PTPRE: variants seen among roughly 807,000 people sequenced by gnomAD.
PTPRE encodes protein tyrosine phosphatase receptor type E.
Under a neutral mutation model 102.0 loss-of-function variants are expected in PTPRE, and 51 were observed. The observed-to-expected ratio is 0.50, with a 90% CI of 0.40 to 0.63. The LOEUF (loss-of-function observed/expected upper bound fraction) is 0.63. PTPRE is among the 30% of genes least tolerant of loss of function. The probability of loss-of-function intolerance (pLI) is 0.00; values close to 1 mark genes in which losing one functional copy is unlikely to be tolerated. For missense variants in PTPRE, 752 were observed against 915.1 expected (o/e 0.82, Z 2.30); for synonymous variants, 345 against 348.2 (o/e 0.99, Z 0.10).
At chr10:128,057,240 C>T (rs1014300931) in intron 7 of PTPRE, among the ~76,000 whole-genome samples, 21 of 152,082 alleles carry the variant, frequency 1.4e-4, no homozygotes, top group Non-Finnish European at 2.4e-4. Context: ...AGATCTGGCC[C>T]AGCAGCAGGG....
At chr10:127,938,918 G>C (rs1848025612) in intron 1 of PTPRE, among the ~76,000 whole-genome samples, 1 of 152,148 alleles carries the variant, frequency 6.6e-6, no homozygotes, top group Admixed American at 6.5e-5. Flanking sequence ...GTTTGGATGT[G>C]TGTTACCAGA....
At chr10:128,075,982 T>G (rs1231117859) in intron 17 of PTPRE, among the ~76,000 whole-genome samples, 1 of 152,260 alleles carries the variant, frequency 6.6e-6, no homozygotes, top group African/African-American at 2.4e-5. Context: ...CTTATTGCAA[T>G]CTGTGGCGTG....
chr10:128,002,681 ATCTTTTTTTTTTTT>A (rs1854062075), intron 2 of PTPRE, among the ~76,000 whole-genome samples: 1 of 76,754 alleles, frequency 1.3e-5, no homozygotes, highest in African/African-American at 5.0e-5. Context: ...GGAGTCACAT[ATCTTTTTTTTTTTT>A]TTTTTTTTTT....
At chr10:127,943,230 G>A (rs951590382) in intron 1 of PTPRE, among the ~76,000 whole-genome samples, 7 of 152,148 alleles carry the variant, frequency 4.6e-5, no homozygotes, top group South Asian at 2.1e-4. Context: ...TTTTCTGAGC[G>A]TCACAGTGGT....
intron 1 of PTPRE, among the ~76,000 whole-genome samples, chr10:127,973,071 C>T (rs1850880950): frequency 6.6e-6 from 1 of 152,228 alleles, no homozygotes; most frequent in Non-Finnish European, 1.5e-5. Flanking sequence ...GCCTGTCAAA[C>T]ATTACACTTT....
intron 1 of PTPRE, among the ~76,000 whole-genome samples, chr10:127,914,076 G>A (rs1230643689): frequency 6.6e-6 from 1 of 152,194 alleles, no homozygotes; most frequent in Non-Finnish European, 1.5e-5. Flanking sequence ...TTAGTGATGA[G>A]TGAGTTCTTG....
intron 2 of PTPRE, among the ~76,000 whole-genome samples, chr10:127,995,416 T>G (rs1853150144): frequency 6.6e-6 from 1 of 152,148 alleles, no homozygotes; most frequent in Non-Finnish European, 1.5e-5. Flanking sequence ...GTTATGTGCT[T>G]TGCTTCTTAC....
At chr10:128,001,753 T>C (rs924722640) in intron 2 of PTPRE, among the ~76,000 whole-genome samples, 2 of 152,110 alleles carry the variant, frequency 1.3e-5, no homozygotes, top group Non-Finnish European at 2.9e-5. Context: ...ATGGGAAGGT[T>C]CTTAGTATTA....
intron 1 of PTPRE, among the ~76,000 whole-genome samples, chr10:127,945,883 T>A (rs1475845098): frequency 6.6e-6 from 1 of 152,120 alleles, no homozygotes; most frequent in African/African-American, 2.4e-5. Flanking sequence ...CTTCTGGTCG[T>A]GCATATTGTA....
intron 2 of PTPRE, among the ~76,000 whole-genome samples, chr10:127,994,739 C>T (rs1250589509): frequency 6.6e-6 from 1 of 152,186 alleles, no homozygotes; most frequent in Non-Finnish European, 1.5e-5. Context: ...TGTGGCCATG[C>T]AGCCCGATGT....
chr10:127,953,514 T>C (rs1849188551), intron 1 of PTPRE, among the ~76,000 whole-genome samples: 1 of 152,222 alleles, frequency 6.6e-6, no homozygotes, highest in Admixed American at 6.5e-5. Context: ...AAGATGGGCA[T>C]GCACAGCAGC....
intron 1 of PTPRE, among the ~76,000 whole-genome samples, chr10:127,931,043 G>A (rs1025821198): frequency 4.6e-5 from 7 of 151,972 alleles, no homozygotes; most frequent in South Asian, 2.1e-4. Context: ...CACCCGCCTC[G>A]GCCTTCCAAA....
At chr10:127,910,342 C>T (rs781685802) in intron 1 of PTPRE, among the ~76,000 whole-genome samples, 4 of 152,196 alleles carry the variant, frequency 2.6e-5, no homozygotes, top group Non-Finnish European at 4.4e-5. Context: ...TACCTCAAGG[C>T]CCACCTCAAA....
chr10:128,009,800 G>T (rs1207256915), intron 2 of PTPRE, among the ~76,000 whole-genome samples: 1 of 152,198 alleles, frequency 6.6e-6, no homozygotes, highest in Non-Finnish European at 1.5e-5. Context: ...AATTTATTTA[G>T]CACATAATTG....
rs147398204 is a variant in PTPRE, at chr10:127,922,679, C to T, written c.-31+15370C>T. Among the ~76,000 whole-genome samples the T allele has an allele frequency of 2.8e-4, 43 of 152,284 alleles. 1 individual carries two copies. In the East Asian group the frequency reaches 8.1e-3, roughly 29 times the overall value. On this transcript the variant is annotated intron_variant, in intron 1 of 20. Coordinates refer to ENST00000254667, the MANE Select transcript of PTPRE (RefSeq NM_006504.6). ...TTCTTCTAAAGAGTTCCACTGAACC[C>T]GTAAGAGATGTGTGTTCCTGCCACT...
intron 2 of PTPRE, among the ~76,000 whole-genome samples, chr10:128,000,421 A>C (rs1202980611): frequency 2.0e-5 from 3 of 152,204 alleles, no homozygotes; most frequent in Non-Finnish European, 4.4e-5. Context: ...TTGAAATGTC[A>C]CAACACAAAA....
intron 1 of PTPRE, among the ~76,000 whole-genome samples, chr10:127,951,625 A>G (rs1849031643): frequency 6.6e-6 from 1 of 152,252 alleles, no homozygotes; most frequent in South Asian, 2.1e-4. Context: ...TGGAGTACAC[A>G]TACTCAGCAG....
chr10:127,939,426 C>T (rs1848061083), intron 1 of PTPRE, among the ~76,000 whole-genome samples: 1 of 152,182 alleles, frequency 6.6e-6, no homozygotes, highest in Admixed American at 6.5e-5. Context: ...ACAGGGATCT[C>T]ACATTTTAAG....
intron 10 of PTPRE, among the ~76,000 whole-genome samples, chr10:128,064,892 G>A (rs1849923489): frequency 3.3e-5 from 5 of 152,194 alleles, no homozygotes; most frequent in Admixed American, 3.3e-4. Context: ...CTCATGATCG[G>A]GTGGGAGGGA....
Sources: gnomAD v4.1 joint callset for allele counts (sites outside exome capture counted in the v4.1 genomes callset) on GRCh38, gnomAD v4.1.1 for gene constraint, MANE v1.5 for transcripts, NCBI Gene and HGNC (gene_info 2026-07-23, HGNC 2026-07-21) for gene names.